DCDC1: variants seen among roughly 807,000 people sequenced by gnomAD.
DCDC1 encodes the protein doublecortin domain containing 1.
Under a neutral mutation model 178.3 loss-of-function variants are expected in DCDC1, and 200 were observed. The ratio of observed to expected loss-of-function variants is 1.12; its 90% confidence interval spans 1.00 to 1.26. The LOEUF is 1.26. Ranked by LOEUF, DCDC1 falls within the 50% of genes most tolerant of loss-of-function variation. The pLI is 0.00. For missense variants in DCDC1, 1,983 were observed against 1,749.2 expected, an observed-to-expected ratio of 1.13 and a Z score of -2.38; for synonymous variants, 690 against 604.8, an observed-to-expected ratio of 1.14 and a Z score of -2.07.
chr11:31,007,817 C>T (rs1951940888), intron 20 of DCDC1, among the ~76,000 whole-genome samples: 1 of 151,972 alleles, frequency 6.6e-6, no homozygotes, highest in Non-Finnish European at 1.5e-5. Flanking sequence ...CGTCTGCCAC[C>T]ACACCCAGCT....
chr11:31,233,400 C>T (rs780162810), intron 9 of DCDC1, among the ~76,000 whole-genome samples: 3 of 152,180 alleles, frequency 2.0e-5, no homozygotes, highest in Non-Finnish European at 4.4e-5. Context: ...GAGAATTCTC[C>T]TGTATTTTCA....
chr11:31,123,559 C>A (rs1248354715), intron 11 of DCDC1, among the ~76,000 whole-genome samples: 2 of 150,910 alleles, frequency 1.3e-5, no homozygotes, highest in Non-Finnish European at 3.0e-5. Context: ...AAAAAAAAAA[C>A]CTCCAGAATA....
chr11:30,959,081 T>A (rs1008719833), intron 20 of DCDC1, among the ~76,000 whole-genome samples: 7 of 152,032 alleles, frequency 4.6e-5, no homozygotes, highest in African/African-American at 1.7e-4. Flanking sequence ...ATAAGAGAAA[T>A]CTAAAATTGA....
intron 18 of DCDC1, among the ~76,000 whole-genome samples, chr11:31,077,178 A>G (rs1956913491): frequency 6.6e-6 from 1 of 152,138 alleles, no homozygotes; most frequent in African/African-American, 2.4e-5. Flanking sequence ...AGAAATATAG[A>G]CAGTAAAGCC....
chr11:31,140,946 T>C (rs951618846), intron 9 of DCDC1, among the ~76,000 whole-genome samples: 47 of 152,282 alleles, frequency 3.1e-4, no homozygotes, highest in African/African-American at 1.1e-3. Context: ...TTAAAACATG[T>C]AGCCCCTTGT....
At chr11:30,951,693 T>C (rs1336381543) in intron 21 of DCDC1, among the ~76,000 whole-genome samples, 1 of 152,148 alleles carries the variant, frequency 6.6e-6, no homozygotes, top group Non-Finnish European at 1.5e-5. Context: ...TAAACTTTGA[T>C]CATTTTAGGT....
At chr11:30,890,119 C>T (rs976218319) in intron 36 of DCDC1, among the ~76,000 whole-genome samples, 2 of 152,278 alleles carry the variant, frequency 1.3e-5, no homozygotes, top group South Asian at 2.1e-4. Flanking sequence ...GAAACCAACC[C>T]AGCTGGCACC....
intron 9 of DCDC1, among the ~76,000 whole-genome samples, chr11:31,138,718 G>A (rs1318990152): frequency 6.6e-6 from 1 of 152,176 alleles, no homozygotes; most frequent in Non-Finnish European, 1.5e-5. Flanking sequence ...GGAAAATCAT[G>A]TCTGAGTGAA....
At chr11:31,173,740 A>G (rs1039420825) in intron 9 of DCDC1, among the ~76,000 whole-genome samples, 1 of 102,790 alleles carries the variant, frequency 9.7e-6, no homozygotes, top group Non-Finnish European at 2.2e-5. Flanking sequence ...ACACACTTAC[A>G]CACACACACA....
intron 9 of DCDC1, among the ~76,000 whole-genome samples, chr11:31,220,337 C>A (rs1974111145): frequency 6.6e-6 from 1 of 152,124 alleles, no homozygotes; most frequent in Non-Finnish European, 1.5e-5. Context: ...ATTTTTGATA[C>A]TTAATACTAA....
chr11:30,931,880 T>C lies in DCDC1; in HGVS notation c.2788A>G (p.Thr930Ala), dbSNP rs1209729562. The change falls in exon 22 of 39, where the codon ACA becomes GCA. Residue 930 changes from threonine to alanine, a missense_variant. Physicochemically the swap from Thr to Ala is moderately conservative, Grantham distance 58. Transcript: ENST00000684477. The stretch of plus-strand genomic sequence containing the variant: ...AGTCGCACAGGGGCATATGGCTCTG[T>C]TGTCTTACAGATGGGTTTCTTCATG... ...PPMKKPICKTTEPYAPVRLRV... is the reference protein window; with the variant it reads ...PPMKKPICKTAEPYAPVRLRV... The C allele has an allele frequency of 6.2e-7, 1 of 1,612,992 alleles. No homozygotes were observed. The highest frequency in any genetic ancestry group is 1.3e-5 in the African/African-American group (1 of 74,882).
chr11:30,949,000 A>T (rs1948239757), intron 21 of DCDC1, among the ~76,000 whole-genome samples: 1 of 152,232 alleles, frequency 6.6e-6, no homozygotes, highest in Non-Finnish European at 1.5e-5. Flanking sequence ...CAAAATAGAC[A>T]AATGGGATCT....
intron 20 of DCDC1, among the ~76,000 whole-genome samples, chr11:31,033,130 A>T (rs1953772660): frequency 6.6e-6 from 1 of 152,154 alleles, no homozygotes; most frequent in Non-Finnish European, 1.5e-5. Context: ...TATGCACAAG[A>T]TTGTATGTTG....
intron 22 of DCDC1, 148 bp from the exon 23 acceptor site, chr11:30,925,556 G>T: frequency 1.5e-6 from 1 of 686,278 alleles, no homozygotes; most frequent in Non-Finnish European, 2.4e-6. Context: ...GGGCCCATCA[G>T]ACCCATTTGA....
chr11:30,925,462 A>G, intron 22 of DCDC1, 54 bp from the exon 23 acceptor site: 2 of 1,501,030 alleles, frequency 1.3e-6, no homozygotes, highest in Non-Finnish European at 1.8e-6. Flanking sequence ...TCCAGCAGCA[A>G]AGAGAGAAAA....
intron 21 of DCDC1, among the ~76,000 whole-genome samples, chr11:30,947,754 G>A (rs886878344): frequency 2.0e-5 from 3 of 151,936 alleles, no homozygotes; most frequent in East Asian, 1.9e-4. Context: ...AACAGCAAAC[G>A]AAACAATCAA....
intron 7 of DCDC1, among the ~76,000 whole-genome samples, chr11:31,275,734 C>T (rs1451301154): frequency 6.6e-6 from 1 of 152,176 alleles, no homozygotes; most frequent in Non-Finnish European, 1.5e-5. Flanking sequence ...GAACTCTTGA[C>T]CTCAGGTGTT....
chr11:30,892,797 C>T (rs1355623673), intron 36 of DCDC1, 21 bp downstream of exon 36: 2 of 1,613,360 alleles, frequency 1.2e-6, no homozygotes, highest in Middle Eastern at 1.7e-4. Flanking sequence ...CTATGAAACA[C>T]TCCTTTCACA....
At chr11:30,936,747 T>G (rs1330315219) in intron 21 of DCDC1, among the ~76,000 whole-genome samples, 1 of 152,152 alleles carries the variant, frequency 6.6e-6, no homozygotes, top group Non-Finnish European at 1.5e-5. Flanking sequence ...TGGGGGAAGA[T>G]GCCTGCAGCT....
Sources: allele counts gnomAD v4.1 joint callset (sites outside exome capture counted in the v4.1 genomes callset), GRCh38; gene constraint gnomAD v4.1.1; transcripts MANE v1.5; gene names NCBI Gene and HGNC (gene_info 2026-07-23, HGNC 2026-07-21).